Variants in IGLL5 observed in about 807,000 individuals in gnomAD.
IGLL5 encodes immunoglobulin lambda like polypeptide 5.
IGLL5 carries 30 observed loss-of-function variants against 20.9 expected under a neutral mutation model. The ratio of observed to expected loss-of-function variants is 1.44; its 90% confidence interval spans 1.07 to 1.95. The LOEUF is 1.95. IGLL5 is among the 30% of genes most tolerant of loss of function. IGLL5 has a pLI of 0.00. For missense variants in IGLL5, 475 were observed against 270.7 expected, an observed-to-expected ratio of 1.75 and a Z score of -5.30; for synonymous variants, 203 against 117.3, an observed-to-expected ratio of 1.73 and a Z score of -4.72.
intron 1 of IGLL5, among the ~76,000 whole-genome samples, chr22:22,889,094 C>G (rs2067685154): frequency 6.6e-6 from 1 of 151,110 alleles, no homozygotes; most frequent in Admixed American, 6.6e-5. Flanking sequence ...TTATCAGAGT[C>G]AGATTTGTGT....
intron 1 of IGLL5, among the ~76,000 whole-genome samples, chr22:22,889,840 T>C (rs1265687992): frequency 1.3e-5 from 2 of 151,412 alleles, no homozygotes; most frequent in Admixed American, 6.6e-5. Context: ...CAAGCAATCT[T>C]TCTGCCTCAG....
chr22:22,888,619 G>A (rs2067623085), intron 1 of IGLL5, among the ~76,000 whole-genome samples: 1 of 151,328 alleles, frequency 6.6e-6, no homozygotes, highest in African/African-American at 2.4e-5. Context: ...AGGGTGCCCA[G>A]GCCTGTTCCT....
At chr22:22,889,579 A>C (rs570237564) in intron 1 of IGLL5, among the ~76,000 whole-genome samples, 4 of 151,164 alleles carry the variant, frequency 2.6e-5, no homozygotes, top group East Asian at 2.0e-4. Flanking sequence ...ACACAATTGT[A>C]TTTGGGGGAC....
intron 1 of IGLL5, among the ~76,000 whole-genome samples, chr22:22,891,343 T>C (rs1384453633): frequency 6.6e-6 from 1 of 151,262 alleles, no homozygotes; most frequent in Non-Finnish European, 1.5e-5. Context: ...ATGCAACTTT[T>C]CTCAATTACT....
chr22:22,888,348 G>A (rs1040638431), intron 1 of IGLL5, 89 bp downstream of exon 1: 13 of 1,279,238 alleles, frequency 1.0e-5, no homozygotes, highest in Non-Finnish European at 4.3e-6. Context: ...GAGGAGTGAG[G>A]AGGAAGGTTA....
At chr22:22,888,862 A>C (rs2067657558) in intron 1 of IGLL5, among the ~76,000 whole-genome samples, 2 of 151,372 alleles carry the variant, frequency 1.3e-5, no homozygotes, top group South Asian at 2.1e-4. Context: ...ATAAAGGGAG[A>C]GGGGATCTCC....
intron 2 of IGLL5, among the ~76,000 whole-genome samples, chr22:22,894,327 CCAATGGAGGGCACAGAGAGGGCTCT>C: frequency 6.6e-6 from 1 of 151,340 alleles, no homozygotes; most frequent in East Asian, 2.0e-4. Context: ...CAAGGGGAGA[CCAATGGAGGGCACAGAGAGGGCTCT>C]GGGTCTAGGC....
intron 2 of IGLL5, among the ~76,000 whole-genome samples, chr22:22,894,453 A>C (rs555247588): frequency 1.3e-5 from 2 of 151,512 alleles, no homozygotes; most frequent in South Asian, 2.1e-4. Flanking sequence ...CAACCCTCCC[A>C]GGACAGTCAC....
chr22:22,893,065 A>G (rs1167301636), intron 1 of IGLL5, among the ~76,000 whole-genome samples: 1 of 151,198 alleles, frequency 6.6e-6, no homozygotes, highest in Non-Finnish European at 1.5e-5. Flanking sequence ...TCCCAGCATA[A>G]AAACAGTACC....
chr22:22,893,894 C>G (rs1601621588), intron 2 of IGLL5, 76 bp downstream of exon 2: 2 of 1,002,120 alleles, frequency 2.0e-6, no homozygotes, highest in African/African-American at 1.6e-5. Context: ...CTCTCTGGGG[C>G]TTCCTCCCCT....
intron 1 of IGLL5, among the ~76,000 whole-genome samples, chr22:22,888,477 T>C (rs1450338246): frequency 1.3e-5 from 2 of 151,472 alleles, no homozygotes; most frequent in Admixed American, 6.6e-5. Context: ...TTTCTTGATT[T>C]CTGAGTTTTC....
intron 2 of IGLL5, among the ~76,000 whole-genome samples, chr22:22,895,133 G>A (rs2066726474): frequency 6.6e-6 from 1 of 151,492 alleles, no homozygotes; most frequent in African/African-American, 2.4e-5. Context: ...TGAGGCTGTA[G>A]AGGAGAGGGG....
intron 1 of IGLL5, among the ~76,000 whole-genome samples, chr22:22,889,320 A>G (rs545022562): frequency 1.3e-5 from 2 of 151,102 alleles, no homozygotes; most frequent in African/African-American, 2.4e-5. Context: ...AGGGGAGCAG[A>G]CACGCTCGGG....
chr22:22,894,030 C>T (rs142600260), intron 2 of IGLL5, among the ~76,000 whole-genome samples: 1 of 150,128 alleles, frequency 6.7e-6, no homozygotes, highest in South Asian at 2.2e-4. Context: ...AGCCTGGTCC[C>T]GGGGCCTGAG....
At position 22,895,506 on chromosome 22, in the gene IGLL5, G is replaced by T. The variant is rs776644826; in HGVS notation, c.457G>T (p.Asp153Tyr). 6.2e-7 allele frequency: 1 copy of T among 1,612,756 alleles called. No individual in the cohort carries two copies. Among genetic ancestry groups the T allele is most frequent in the South Asian group, 1.1e-5 (1 of 91,008 alleles). The change falls in exon 3 of 3, where the codon GAT becomes TAT. Residue 153 changes from aspartate to tyrosine, a missense_variant. Physicochemically the swap from Asp to Tyr is radical, Grantham distance 160 (BLOSUM62 -3). Transcript: ENST00000526893. ...PGAVTVAWKA[D>Y]GSPVKAGVET... is the part of the protein sequence containing the mutation. ...AGCTGTGACAGTGGCCTGGAAGGCA[G>T]ATGGCAGCCCCGTCAAGGCGGGAGT... is the stretch of plus-strand genomic sequence containing the variant.
In IGLL5 at chr22:22,888,216, T is replaced by G. The variant is rs1277842552; in HGVS notation, c.163T>G (p.Ser55Ala). 1.3e-6 allele frequency: 2 copies of G among 1,548,268 alleles called. No individual in the cohort carries two copies. The highest frequency in any genetic ancestry group is 1.4e-5 in the African/African-American group (1 of 72,816). ...PQSGDPDPGA[S>A]VGSSRSSLRS... ...AAGCGGGGACCCAGACCCTGGAGCC[T>G]CAGTTGGAAGCAGCCGATCCAGCCT... The change falls in exon 1 of 3, where the codon TCA (serine) becomes GCA (alanine). Residue 55 changes from serine to alanine, a missense_variant. Ser to Ala is a moderately conservative substitution (Grantham distance 99). Coordinates refer to ENST00000526893, the MANE Select transcript of IGLL5 (RefSeq NM_001178126.2).
At chr22:22,889,408 A>G (rs2067716268) in intron 1 of IGLL5, among the ~76,000 whole-genome samples, 1 of 151,282 alleles carries the variant, frequency 6.6e-6, no homozygotes, top group South Asian at 2.1e-4. Context: ...TGTTTATCTA[A>G]ACTGGGCAAT....
chr22:22,893,870 A>T (rs183687085), intron 2 of IGLL5, 52 bp downstream of exon 2: 4 of 1,264,778 alleles, frequency 3.2e-6, no homozygotes, highest in African/African-American at 2.9e-5. Flanking sequence ...CTGTCCCTGG[A>T]AAATCTGTTT....
In IGLL5 at chr22:22,888,209, TG is replaced by T. The variant is rs2067569570; in HGVS notation, c.158del (p.Gly53GlufsTer56). 6.5e-7 allele frequency: 1 copy of T among 1,548,322 alleles called. No individual in the cohort carries two copies. Among genetic ancestry groups the T allele is most frequent in the African/African-American group, 1.4e-5 (1 of 72,722 alleles). On this transcript the variant is annotated frameshift_variant, in exon 1 of 3. Transcript: ENST00000526893. LOFTEE classifies it high-confidence loss of function. The stretch of plus-strand genomic sequence containing the variant: ...CACCGCAAAGCGGGGACCCAGACCC[TG>T]GAGCCTCAGTTGGAAGCAGCCGATC... The part of the protein sequence containing the change: ...VAPQSGDPDP[G>X]ASVGSSRSSL...
Sources: allele counts gnomAD v4.1 joint callset (sites outside exome capture counted in the v4.1 genomes callset), GRCh38; gene constraint gnomAD v4.1.1; transcripts MANE v1.5; gene names NCBI Gene and HGNC (gene_info 2026-07-23, HGNC 2026-07-21).